The following OR10Z1 variants were observed in gnomAD, a reference collection of about 807,000 sequenced individuals.
OR10Z1 encodes olfactory receptor 10Z1.
For synonymous variants in OR10Z1, 187 were observed against 151.2 expected (o/e 1.24, Z -1.74); for missense variants, 468 against 371.0 (o/e 1.26, Z -2.15).
rs1649062645 is a variant in OR10Z1, at chr1:158,606,785, C to T, written c.347C>T (p.Ala116Val). 1.2e-5 allele frequency: 19 copies of T among 1,614,066 alleles called. No individual in the cohort carries two copies. Among genetic ancestry groups the T allele is most frequent in the Non-Finnish European group, 1.4e-5 (17 of 1,179,982 alleles). Reference protein sequence around the residue: ...SWACTNCFLLAAMGFDRYVAI... With the variant: ...SWACTNCFLLVAMGFDRYVAI... The stretch of plus-strand genomic sequence containing the variant: ...GCCTGTACTAACTGCTTCCTTCTGG[C>T]TGCCATGGGCTTTGACAGATATGTG... Residue 116 changes from alanine to valine, a missense_variant, in exon 2 of 2, where the codon GCT (alanine) becomes GTT (valine). Coordinates refer to ENST00000641002, the MANE Select transcript of OR10Z1 (RefSeq NM_001004478.2).
intron 1 of OR10Z1, among the ~76,000 whole-genome samples, chr1:158,605,738 T>A (rs1649032177): frequency 6.6e-6 from 1 of 152,076 alleles, no homozygotes; most frequent in Non-Finnish European, 1.5e-5. Context: ...AGATTAAGAG[T>A]CACCATACTT....
chr1:158,606,731 C>G lies in OR10Z1; in HGVS notation c.293C>G (p.Ala98Gly), dbSNP rs1383687500. 1 of 1,614,078 alleles carries G rather than the reference C, an allele frequency of 6.2e-7. No homozygotes were observed. The highest frequency in any genetic ancestry group is 8.5e-7 in the Non-Finnish European group (1 of 1,179,988). Residue 98 changes from alanine to glycine, a missense_variant, in exon 2 of 2, where the codon GCT becomes GGT. Physicochemically the swap from Ala to Gly is moderately conservative, Grantham distance 60 (BLOSUM62 0). Transcript: ENST00000641002. ...GDQAISYVGC[A>G]AQMFFSASWA... ...CAGGCTATCTCCTATGTGGGCTGTG[C>G]TGCCCAGATGTTCTTTTCTGCCTCA...
chr1:158,612,271 C>T lies in OR10Z1; in HGVS notation c.*4891C>T. 2 of 172,914 alleles carry T rather than the reference C, an allele frequency of 1.2e-5. No individual in the cohort carries two copies. Among genetic ancestry groups the T allele is most frequent in the East Asian group, 1.6e-4 (1 of 6,272 alleles). 10.7% of individuals were successfully genotyped at this position (172,914 alleles called of 1,614,324 possible). ...TTCCTGCACGTCCTTCAACACTCAC[C>T]CTGTGTTAATCATAGATGATACTTT... On this transcript the variant is annotated 3_prime_UTR_variant, in exon 2 of 2. Coordinates refer to ENST00000641002, the MANE Select transcript of OR10Z1 (RefSeq NM_001004478.2).
chr1:158,607,201 G>A lies in OR10Z1; in HGVS notation c.763G>A (p.Ala255Thr). The A allele has an allele frequency of 6.2e-7, 1 of 1,614,046 alleles. No individual in the cohort carries two copies. The highest frequency in any genetic ancestry group is 8.5e-7 in the Non-Finnish European group (1 of 1,179,958). Residue 255 changes from alanine (A) to threonine (T), a missense_variant, in exon 2 of 2, where the codon GCT becomes ACT. By Grantham distance (58) the Ala-to-Thr change is moderately conservative. Coordinates refer to ENST00000641002, the MANE Select transcript of OR10Z1 (RefSeq NM_001004478.2). ...AGTGGTCATTATTCATTATGGCTGT[G>A]CTTCCTTCGTGTACCTGAGGCCCAA... Reference protein sequence around the residue: ...LTVVIIHYGCASFVYLRPKAS... With the variant: ...LTVVIIHYGCTSFVYLRPKAS...
chr1:158,610,625 G>A lies in OR10Z1; in HGVS notation c.*3245G>A. The A allele has an allele frequency of 6.6e-6, 1 of 151,876 alleles. No individual in the cohort carries two copies. Among genetic ancestry groups the A allele is most frequent in the East Asian group, 1.9e-4 (1 of 5,172 alleles). 9.4% of individuals were successfully genotyped at this position (151,876 alleles called of 1,614,324 possible). A position where few individuals can be genotyped will look rare whatever the true frequency, so the allele number is the denominator to read the frequency against. On this transcript the variant is annotated 3_prime_UTR_variant, in exon 2 of 2. Transcript: ENST00000641002. ...TAATAACATCTACAATAATTTTGAA[G>A]TATGGAAAAAAAACAAGAAGAAAAC... is the stretch of plus-strand genomic sequence containing the variant.
In OR10Z1 at chr1:158,607,998, C is replaced by A. The variant is rs857686; in HGVS notation, c.*618C>A. On this transcript the variant is annotated 3_prime_UTR_variant, in exon 2 of 2. Coordinates refer to ENST00000641002, the MANE Select transcript of OR10Z1 (RefSeq NM_001004478.2). ...AGTGGGGCACATGTGCTTATACATT[C>A]CTCATTGTGCTATTGACAGTAGCAA... 0.4 allele frequency: 61,392 copies of A among 151,702 alleles called. 12,582 individuals are homozygous for A. Among genetic ancestry groups the A allele is most frequent in the Middle Eastern group, 0.53 (157 of 294 alleles). 9.4% of individuals were successfully genotyped at this position (151,702 alleles called of 1,614,324 possible).
chr1:158,607,258 A>C lies in OR10Z1; in HGVS notation c.820A>C (p.Ile274Leu). ...CTACTCTCTTGAGAGAGATCAGCTT[A>C]TTGCCATGACCTATACTGTAGTGAC... is the stretch of plus-strand genomic sequence containing the variant. ...ASYSLERDQL[I>L]AMTYTVVTPL... Residue 274 changes from isoleucine (I) to leucine (L), a missense_variant, in exon 2 of 2, where the codon ATT becomes CTT. Ile to Leu is a conservative substitution (Grantham distance 5). Transcript: ENST00000641002. 3 of 1,614,060 alleles carry C rather than the reference A, an allele frequency of 1.9e-6. No individual in the cohort carries two copies. Among genetic ancestry groups the C allele is most frequent in the Non-Finnish European group, 2.5e-6 (3 of 1,179,954 alleles).
In OR10Z1 at chr1:158,606,405, A is replaced by G; in HGVS notation, c.-34A>G. 1 of 1,401,290 alleles carries G rather than the reference A, an allele frequency of 7.1e-7. No individual in the cohort carries two copies. Among genetic ancestry groups the G allele is most frequent in the Non-Finnish European group, 9.9e-7 (1 of 1,009,840 alleles). The allele number at this position is 1,401,290 out of a possible 1,614,324, so 86.8% of individuals were successfully genotyped here. On this transcript the variant is annotated 5_prime_UTR_variant, in exon 2 of 2. Transcript: ENST00000641002. Reference sequence around the variant, plus strand: ...AGGCATCTACTGGCAAGGTGGAAGAAATCAACAAATCTATCAGGGATATAC... The same window carrying G: ...AGGCATCTACTGGCAAGGTGGAAGAGATCAACAAATCTATCAGGGATATAC...
rs2427808 is a variant in OR10Z1 at position 158,607,377 on chromosome 1, A to T, written c.939A>T (p.Gly313=). The T allele has an allele frequency of 0.12, 197,638 of 1,609,288 alleles. 12,861 individuals carry two copies. The highest frequency in any genetic ancestry group is 0.21 in the South Asian group (18,672 of 90,812). Residue 313 remains glycine (G), a synonymous_variant, in exon 2 of 2, where the codon GGA becomes GGT. Coordinates refer to ENST00000641002, the MANE Select transcript of OR10Z1 (RefSeq NM_001004478.2). ...NAFRGRLLGK[G] is the part of the protein sequence containing the mutation. ...TCAGAGGGAGATTGCTGGGTAAAGGATGAAGGTTACCCCAATAGGACACTT... is the reference window on the plus strand; with the variant it reads ...TCAGAGGGAGATTGCTGGGTAAAGGTTGAAGGTTACCCCAATAGGACACTT...
rs535098107 is a variant in OR10Z1 at position 158,609,472 on chromosome 1, C to T, written c.*2092C>T. On this transcript the variant is annotated 3_prime_UTR_variant, in exon 2 of 2. Coordinates refer to ENST00000641002, the MANE Select transcript of OR10Z1 (RefSeq NM_001004478.2). ...ATTTCACCAGTTCATTCAGTCTGCCCAGCATAACATTGACTAAATGCACAG... is the reference window on the plus strand; with the variant it reads ...ATTTCACCAGTTCATTCAGTCTGCCTAGCATAACATTGACTAAATGCACAG... 1 of 152,224 alleles carries T rather than the reference C, an allele frequency of 6.6e-6. No homozygotes were observed. The highest frequency in any genetic ancestry group is 1.9e-4 in the East Asian group (1 of 5,170). The allele number at this position is 152,224 out of a possible 1,614,324, so 9.4% of individuals were successfully genotyped here.
intron 1 of OR10Z1, among the ~76,000 whole-genome samples, 191 bp from the exon 2 acceptor site, chr1:158,606,135 T>G (rs1287451134): frequency 6.6e-6 from 1 of 152,230 alleles, no homozygotes; most frequent in African/African-American, 2.4e-5. Context: ...AAAGCATATA[T>G]ACACCTGCAT....
In OR10Z1 at chr1:158,610,065, G is replaced by A. The variant is rs1571360970; in HGVS notation, c.*2685G>A. On this transcript the variant is annotated 3_prime_UTR_variant, in exon 2 of 2. Transcript: ENST00000641002. The stretch of plus-strand genomic sequence containing the variant: ...TACTTTCTGCTTGTTATATTCCATA[G>A]TATTTGACTATTTAAGAAAAGAATC... 6.6e-6 allele frequency: 1 copy of A among 152,210 alleles called. No individual in the cohort carries two copies. Among genetic ancestry groups the A allele is most frequent in the Admixed American group, 6.6e-5 (1 of 15,264 alleles). The allele number at this position is 152,210 out of a possible 1,614,324, so 9.4% of individuals were successfully genotyped here. A position where few individuals can be genotyped will look rare whatever the true frequency, so the allele number is the denominator to read the frequency against.
Sources: gnomAD v4.1 joint callset for allele counts (sites outside exome capture counted in the v4.1 genomes callset) on GRCh38, gnomAD v4.1.1 for gene constraint, MANE v1.5 for transcripts, NCBI Gene and HGNC (gene_info 2026-07-23, HGNC 2026-07-21) for gene names.